SOX6: variants seen among roughly 807,000 people sequenced by gnomAD.
The protein encoded by SOX6 is transcription factor SOX-6.
Under a neutral mutation model 97.8 loss-of-function variants are expected in SOX6, and 11 were observed. The observed-to-expected ratio is 0.11, with a 90% CI of 0.07 to 0.19. The LOEUF is 0.19. Among genes scored for constraint, SOX6 ranks in the 10% least tolerant of loss-of-function variants. The pLI, the probability that SOX6 is intolerant of heterozygous loss-of-function variation, is 1.00. For missense variants in SOX6, 810 were observed against 1,039.5 expected, an observed-to-expected ratio of 0.78 and a Z score of 3.04; for synonymous variants, 360 against 371.4, an observed-to-expected ratio of 0.97 and a Z score of 0.35.
intron 4 of SOX6, among the ~76,000 whole-genome samples, chr11:16,498,429 T>A (rs1404065576): frequency 6.6e-6 from 1 of 151,872 alleles, no homozygotes; most frequent in Non-Finnish European, 1.5e-5. Context: ...GCTAACATCA[T>A]AAGGAAAGGA....
intron 4 of SOX6, among the ~76,000 whole-genome samples, chr11:16,597,946 A>G (rs1478836235): frequency 2.6e-5 from 4 of 152,028 alleles, no homozygotes; most frequent in Admixed American, 6.6e-5. Context: ...GAAAGTTAAG[A>G]ACCTATATTG....
chr11:15,986,507 C>A, intron 14 of SOX6, 87 bp from the exon 15 acceptor site: 1 of 1,297,706 alleles, frequency 7.7e-7, no homozygotes, highest in Non-Finnish European at 1.1e-6. Context: ...CCCATCACTT[C>A]ACTCATCTGT....
chr11:16,689,001 T>C (rs1260070460), intron 3 of SOX6, among the ~76,000 whole-genome samples: 1 of 152,248 alleles, frequency 6.6e-6, no homozygotes, highest in South Asian at 2.1e-4. Context: ...TTTGCCTCCC[T>C]ACTGAGGCCA....
At chr11:15,994,830 A>G (rs1379530958) in intron 13 of SOX6, among the ~76,000 whole-genome samples, 2 of 152,198 alleles carry the variant, frequency 1.3e-5, no homozygotes, top group Non-Finnish European at 2.9e-5. Flanking sequence ...AATAGATAAT[A>G]AATATAAACT....
chr11:16,050,160 A>G (rs1590160450), intron 10 of SOX6, among the ~76,000 whole-genome samples: 1 of 152,160 alleles, frequency 6.6e-6, no homozygotes, highest in Admixed American at 6.6e-5. Context: ...TAGTTGGATC[A>G]TTCTTTTTGC....
chr11:16,178,875 T>C (rs984603212), intron 6 of SOX6, among the ~76,000 whole-genome samples: 1 of 151,932 alleles, frequency 6.6e-6, no homozygotes, highest in African/African-American at 2.4e-5. Flanking sequence ...CTTCTGACTG[T>C]CCTCGGTTTT....
intron 4 of SOX6, among the ~76,000 whole-genome samples, chr11:16,583,559 G>C (rs72859480): frequency 0.13 from 16,928 of 134,196 alleles, 1,103 homozygotes; most frequent in Non-Finnish European, 0.15. Flanking sequence ...CTTTTTTATG[G>C]ATGAATAATA....
At chr11:16,657,795 A>C (rs886325008) in intron 3 of SOX6, among the ~76,000 whole-genome samples, 1 of 152,158 alleles carries the variant, frequency 6.6e-6, no homozygotes, top group Non-Finnish European at 1.5e-5. Flanking sequence ...ATGTCTATTC[A>C]GATCTTTTGC....
intron 4 of SOX6, among the ~76,000 whole-genome samples, chr11:16,549,378 AG>A (rs68192589): frequency 0.24 from 37,205 of 151,992 alleles, 5,026 homozygotes; most frequent in East Asian, 0.48. Flanking sequence ...CATGTTGGTC[AG>A]GCTGGTCTCA....
chr11:16,604,553 T>G (rs1848311042), intron 4 of SOX6, among the ~76,000 whole-genome samples: 1 of 152,088 alleles, frequency 6.6e-6, no homozygotes, highest in Non-Finnish European at 1.5e-5. Context: ...GACGCGGACG[T>G]CATCCGAGCG....
At chr11:16,609,320 A>G (rs559397759) in intron 4 of SOX6, among the ~76,000 whole-genome samples, 3 of 152,352 alleles carry the variant, frequency 2.0e-5, no homozygotes, top group Admixed American at 1.3e-4. Flanking sequence ...CTACATCAAG[A>G]TAAAAGCTGG....
At chr11:16,408,426 A>G (rs1019337207) in intron 1 of SOX6, among the ~76,000 whole-genome samples, 8 of 152,166 alleles carry the variant, frequency 5.3e-5, no homozygotes, top group African/African-American at 1.9e-4. Flanking sequence ...ACCTGATTCT[A>G]TCATTTCACA....
intron 3 of SOX6, among the ~76,000 whole-genome samples, chr11:16,662,608 A>G (rs1211970339): frequency 6.6e-6 from 1 of 152,248 alleles, no homozygotes; most frequent in Non-Finnish European, 1.5e-5. Flanking sequence ...CAATGATACC[A>G]TATTAGCAGA....
intron 6 of SOX6, among the ~76,000 whole-genome samples, chr11:16,146,676 T>A (rs1348015846): frequency 6.6e-6 from 1 of 151,824 alleles, no homozygotes; most frequent in Non-Finnish European, 1.5e-5. Flanking sequence ...AACAACCCCA[T>A]CAAAAAGTGG....
In SOX6 at chr11:16,412,352, A is replaced by T. The variant is rs150304270; in HGVS notation, c.-5+63963T>A. Among the ~76,000 whole-genome samples the T allele has an allele frequency of 3.6e-3, 552 of 152,330 alleles. 4 individuals carry two copies. Among genetic ancestry groups the T allele is most frequent in the African/African-American group, 0.012 (479 of 41,584 alleles). On this transcript the variant is annotated intron_variant, in intron 1 of 15. Coordinates refer to the SOX6 transcript ENST00000396356. The stretch of plus-strand genomic sequence containing the variant: ...AATGGACATTAAAATATTTCTCCAA[A>T]TCAGATATATCCATATATGCATCCA...
intron 4 of SOX6, among the ~76,000 whole-genome samples, chr11:16,206,463 T>C (rs1852074964): frequency 6.6e-6 from 1 of 152,188 alleles, no homozygotes; most frequent in Admixed American, 6.5e-5. Flanking sequence ...GGAAGAAGTA[T>C]GGTGAAGTGT....
chr11:16,361,028 A>T (rs554580408), upstream of SOX6, among the ~76,000 whole-genome samples: 2 of 150,392 alleles, frequency 1.3e-5, no homozygotes, highest in East Asian at 2.0e-4. Context: ...GAAGAAGAAG[A>T]AGTTTTCAAA....
chr11:16,263,568 G>A (rs2134217453), intron 3 of SOX6, among the ~76,000 whole-genome samples: 1 of 152,030 alleles, frequency 6.6e-6, no homozygotes, highest in East Asian at 1.9e-4. Flanking sequence ...TTTTCTCAAA[G>A]TCTTCAAGTA....
chr11:16,138,698 C>G (rs917655980), intron 6 of SOX6, among the ~76,000 whole-genome samples: 1 of 151,992 alleles, frequency 6.6e-6, no homozygotes, highest in Non-Finnish European at 1.5e-5. Flanking sequence ...TATCCCTCCC[C>G]CCTCCTCCCA....
Sources: allele counts gnomAD v4.1 joint callset (sites outside exome capture counted in the v4.1 genomes callset), GRCh38; gene constraint gnomAD v4.1.1; transcripts MANE v1.5; gene names NCBI Gene and HGNC (gene_info 2026-07-23, HGNC 2026-07-21).